Variants in CACNB2 observed in about 807,000 individuals in gnomAD.
CACNB2 encodes voltage-dependent L-type calcium channel subunit beta-2.
A neutral mutation model predicts 73.3 loss-of-function variants in CACNB2; 42 were observed. The observed-to-expected ratio is 0.57, with a 90% CI of 0.45 to 0.74. CACNB2 has a LOEUF of 0.74. CACNB2 is among the 30% of genes least tolerant of loss of function. The probability of loss-of-function intolerance (pLI) is 0.00; values close to 1 mark genes in which losing one functional copy is unlikely to be tolerated. For missense variants in CACNB2, 940 were observed against 853.0 expected (o/e 1.10, Z -1.27); for synonymous variants, 348 against 310.3 (o/e 1.12, Z -1.28).
intron 3 of CACNB2, among the ~76,000 whole-genome samples, chr10:18,426,355 A>G (rs1390386027): frequency 6.6e-6 from 1 of 152,226 alleles, no homozygotes; most frequent in Admixed American, 6.5e-5. Context: ...TTTAGTTACT[A>G]CAGTCTCTCT....
Position 18,162,979 on chromosome 10 carries a change from A to T in CACNB2, c.213+12004A>T, listed in dbSNP as rs527896067. 9.9e-5 allele frequency among the ~76,000 whole-genome samples: 15 copies of T among 152,276 alleles called. No individual in the cohort carries two copies. In the East Asian group the frequency reaches 2.7e-3, roughly 28 times the overall value. On this transcript the variant is annotated intron_variant, in intron 2 of 13. Transcript: ENST00000324631. The stretch of plus-strand genomic sequence containing the variant: ...ATGGAGAAATGGATAGAAGAGATCG[A>T]TGGATGGGTGCATGGAGTTTGGAAG...
chr10:18,192,353 A>G (rs955694059), intron 2 of CACNB2, among the ~76,000 whole-genome samples: 26 of 151,976 alleles, frequency 1.7e-4, no homozygotes, highest in African/African-American at 6.0e-4. Context: ...TTTTATTTTA[A>G]TTAATTATTT....
At position 18,219,928 on chromosome 10, in the gene CACNB2, G is replaced by A. The variant is rs193286750; in HGVS notation, c.213+68953G>A. Among the ~76,000 whole-genome samples, 193 of 148,988 alleles carry A rather than the reference G, an allele frequency of 1.3e-3. 1 individual carries two copies. The highest frequency in any genetic ancestry group is 2.3e-3 in the Non-Finnish European group (154 of 67,108). ...GGGACAGATGCCCGCCACCATGCCT[G>A]GCTAATTTTTGTATTTTTAATAGAG... On this transcript the variant is annotated intron_variant, in intron 2 of 13. Coordinates refer to ENST00000324631, the MANE Select transcript of CACNB2 (RefSeq NM_201596.3).
At chr10:18,260,497 G>A in intron 2 of CACNB2, 1 of 985,486 alleles carries the variant, frequency 1.0e-6, no homozygotes, top group Non-Finnish European at 1.2e-6. Context: ...GTCAGGTCCT[G>A]AGGCCACTCT....
intron 2 of CACNB2, among the ~76,000 whole-genome samples, chr10:18,163,156 A>G (rs1281485879): frequency 6.6e-6 from 1 of 152,198 alleles, no homozygotes; most frequent in African/African-American, 2.4e-5. Flanking sequence ...AGGTGGTAAA[A>G]TAGTGGACGC....
chr10:18,181,666 G>A (rs1484575733), intron 2 of CACNB2: 2 of 146,252 alleles, frequency 1.4e-5, no homozygotes, highest in Non-Finnish European at 3.1e-5. Context: ...CCAGGATGGA[G>A]TGCAGTGGTT....
intron 2 of CACNB2, among the ~76,000 whole-genome samples, chr10:18,159,408 C>T (rs1423937009): frequency 2.0e-5 from 3 of 152,226 alleles, no homozygotes; most frequent in South Asian, 2.1e-4. Flanking sequence ...TTGGGGTTAA[C>T]GGGGAAGAAC....
intron 2 of CACNB2, among the ~76,000 whole-genome samples, chr10:18,180,722 T>A (rs2033828454): frequency 6.6e-6 from 1 of 152,074 alleles, no homozygotes; most frequent in Non-Finnish European, 1.5e-5. Flanking sequence ...ATCCTAGCAC[T>A]TTGGGAGGCA....
chr10:18,481,230 A>ATTTT (rs1183940542), intron 3 of CACNB2, among the ~76,000 whole-genome samples: 1 of 17,988 alleles, frequency 5.6e-5, no homozygotes, highest in Non-Finnish European at 9.4e-5. Context: ...ATATATATAT[A>ATTTT]TTTTTTTTTT....
intron 2 of CACNB2, among the ~76,000 whole-genome samples, chr10:18,228,100 T>G (rs1301834153): frequency 6.6e-6 from 1 of 151,956 alleles, no homozygotes; most frequent in East Asian, 1.9e-4. Flanking sequence ...CTCAAAAGGT[T>G]GGGTTAGTTG....
chr10:18,174,592 C>T (rs544111038), intron 2 of CACNB2, among the ~76,000 whole-genome samples: 141 of 151,836 alleles, frequency 9.3e-4, no homozygotes, highest in African/African-American at 3.3e-3. Flanking sequence ...TTAGTAGAGA[C>T]GGGGTTTCAC....
In CACNB2 at chr10:18,370,805, A is replaced by G. The variant is rs139234392; in HGVS notation, c.214-31119A>G. Among the ~76,000 whole-genome samples the G allele has an allele frequency of 5.0e-3, 755 of 152,324 alleles. 5 individuals carry two copies. The highest frequency in any genetic ancestry group is 0.017 in the African/African-American group (719 of 41,570). On this transcript the variant is annotated intron_variant, in intron 2 of 13. Transcript: ENST00000324631. ...ATTAAACTTTCTCCCATTGTTGGGC[A>G]TTTAGGTTGTTTTACACATACACGC...
Position 18,540,012 on chromosome 10 carries a change from C to CCACCCAGGTGATGTTAGTGTTTT in CACNB2, c.*289_*311dup. On this transcript the variant is annotated 3_prime_UTR_variant, in exon 14 of 14. Coordinates refer to ENST00000324631, the MANE Select transcript of CACNB2 (RefSeq NM_201596.3). ...GCTGCCACTTGAACAAAATCTGTTG[C>CCACCCAGGTGATGTTAGTGTTTT]CACCCAGGTGATGTTAGTGTTTTAA... 2.9e-6 allele frequency: 1 copy of CCACCCAGGTGATGTTAGTGTTTT among 346,946 alleles called. No individual in the cohort carries two copies. The highest frequency in any genetic ancestry group is 5.3e-6 in the Non-Finnish European group (1 of 188,256). 21.5% of individuals were successfully genotyped at this position (346,946 alleles called of 1,614,324 possible).
At chr10:18,236,086 G>A (rs745869759) in intron 2 of CACNB2, among the ~76,000 whole-genome samples, 10 of 152,100 alleles carry the variant, frequency 6.6e-5, no homozygotes, top group East Asian at 1.9e-4. Flanking sequence ...CTGTGGAACC[G>A]TGAGCCAATT....
At position 18,140,592 on chromosome 10, in the gene CACNB2, G is replaced by T; in HGVS notation, c.-145G>T. On this transcript the variant is annotated 5_prime_UTR_variant, in exon 1 of 14. Transcript: ENST00000324631. ...TGGCAGCAGGGCGCCGAGTCCCGGG[G>T]CGCTGCGGGGCGCTGCGCCGAGAAC... 1.8e-6 allele frequency: 1 copy of T among 541,260 alleles called. No homozygotes were observed. Among genetic ancestry groups the T allele is most frequent in the Non-Finnish European group, 3.0e-6 (1 of 334,696 alleles). The allele number at this position is 541,260 out of a possible 1,614,324, so 33.5% of individuals were successfully genotyped here.
intron 3 of CACNB2, among the ~76,000 whole-genome samples, chr10:18,430,874 A>G (rs2045857197): frequency 6.6e-6 from 1 of 152,224 alleles, no homozygotes; most frequent in Non-Finnish European, 1.5e-5. Context: ...AGTTAGTGTC[A>G]ACTGAAGGGA....
intron 2 of CACNB2, among the ~76,000 whole-genome samples, chr10:18,252,066 T>C (rs2131556839): frequency 6.6e-6 from 1 of 152,348 alleles, no homozygotes. Flanking sequence ...CTAATGTTTT[T>C]TGTCATTGTT....
At chr10:18,404,283 C>G (rs1427173301) in intron 3 of CACNB2, among the ~76,000 whole-genome samples, 1 of 151,956 alleles carries the variant, frequency 6.6e-6, no homozygotes, top group Non-Finnish European at 1.5e-5. Context: ...ATATTAAAAT[C>G]ATGGTTTGGT....
chr10:18,188,932 GA>G (rs1182344726), intron 2 of CACNB2, among the ~76,000 whole-genome samples: 1 of 152,056 alleles, frequency 6.6e-6, no homozygotes, highest in Non-Finnish European at 1.5e-5. Context: ...GAAGGGATAA[GA>G]ACCGCACTTG....
Sources: allele counts gnomAD v4.1 joint callset (sites outside exome capture counted in the v4.1 genomes callset), GRCh38; gene constraint gnomAD v4.1.1; transcripts MANE v1.5; gene names NCBI Gene and HGNC (gene_info 2026-07-23, HGNC 2026-07-21).